GNA14: variants seen among roughly 807,000 people sequenced by gnomAD.
GNA14 encodes guanine nucleotide-binding protein subunit alpha-14.
In GNA14, 50 loss-of-function variants were observed where a neutral mutation model predicts 42.0. The ratio of observed to expected loss-of-function variants is 1.19; its 90% CI spans 0.95 to 1.51. The LOEUF (loss-of-function observed/expected upper bound fraction) is 1.51, where lower values mean the gene tolerates loss of function less well. GNA14 is among the 40% of genes most tolerant of loss of function. GNA14 has a pLI of 0.00. For synonymous variants in GNA14, 173 were observed against 163.1 expected (o/e 1.06, Z -0.46); for missense variants, 473 against 446.2 (o/e 1.06, Z -0.54).
chr9:77,611,130 AAG>A (rs1394211648), intron 1 of GNA14, among the ~76,000 whole-genome samples: 1 of 152,200 alleles, frequency 6.6e-6, no homozygotes, highest in South Asian at 2.1e-4. Flanking sequence ...AGGCAGCTAG[AAG>A]ACTGGTAGCC....
intron 2 of GNA14, among the ~76,000 whole-genome samples, chr9:77,492,867 G>A (rs913086653): frequency 6.6e-6 from 1 of 151,414 alleles, no homozygotes; most frequent in African/African-American, 2.4e-5. Context: ...CGGGCATGGT[G>A]GCAGACACCT....
chr9:77,527,053 C>CAGTGGGTCTGT (rs1333522021), intron 2 of GNA14, among the ~76,000 whole-genome samples: 1 of 152,162 alleles, frequency 6.6e-6, no homozygotes, highest in African/African-American at 2.4e-5. Context: ...CTTTTCTCCT[C>CAGTGGGTCTGT]AGTGGGTCTG....
intron 2 of GNA14, among the ~76,000 whole-genome samples, chr9:77,483,565 G>A (rs1479205658): frequency 6.6e-6 from 1 of 152,184 alleles, no homozygotes; most frequent in African/African-American, 2.4e-5. Flanking sequence ...ATCTCCAGCT[G>A]CATGCTGGGA....
chr9:77,575,762 G>T (rs1823118963), intron 1 of GNA14, among the ~76,000 whole-genome samples: 1 of 152,154 alleles, frequency 6.6e-6, no homozygotes, highest in South Asian at 2.1e-4. Flanking sequence ...CCTTTAAAAA[G>T]TATTAGTGCC....
At chr9:77,493,026 A>AAAAT (rs1554691641) in intron 2 of GNA14, among the ~76,000 whole-genome samples, 1 of 51,730 alleles carries the variant, frequency 1.9e-5, no homozygotes, top group African/African-American at 1.1e-4. Flanking sequence ...AAAAAAAAAA[A>AAAAT]ATATATATAT....
chr9:77,550,116 A>G (rs774532576), intron 1 of GNA14, among the ~76,000 whole-genome samples: 1 of 152,112 alleles, frequency 6.6e-6, no homozygotes, highest in African/African-American at 2.4e-5. Context: ...AGAAGGGAAC[A>G]CCAGCCAGGG....
chr9:77,520,025 A>G (rs1837326822), intron 2 of GNA14, among the ~76,000 whole-genome samples: 1 of 152,142 alleles, frequency 6.6e-6, no homozygotes, highest in Non-Finnish European at 1.5e-5. Context: ...GTAAAAATAA[A>G]AAAAGAAAAG....
chr9:77,467,766 G>C (rs1275513891), intron 2 of GNA14, among the ~76,000 whole-genome samples: 1 of 151,692 alleles, frequency 6.6e-6, no homozygotes, highest in Non-Finnish European at 1.5e-5. Context: ...CCAGAGCTGG[G>C]AGCAGGGACA....
intron 2 of GNA14, among the ~76,000 whole-genome samples, chr9:77,489,408 A>G (rs1015452382): frequency 4.6e-5 from 7 of 152,254 alleles, no homozygotes; most frequent in African/African-American, 1.7e-4. Flanking sequence ...GATAAATATC[A>G]GAACAGGAAG....
At chr9:77,501,838 G>T (rs952565908) in intron 2 of GNA14, among the ~76,000 whole-genome samples, 1 of 151,194 alleles carries the variant, frequency 6.6e-6, no homozygotes, top group African/African-American at 2.4e-5. Context: ...AGCCTCCCGA[G>T]TATTTGGGAC....
At chr9:77,502,085 C>G (rs1352567849) in intron 2 of GNA14, among the ~76,000 whole-genome samples, 1 of 152,158 alleles carries the variant, frequency 6.6e-6, no homozygotes, top group African/African-American at 2.4e-5. Flanking sequence ...CTCAGCCAAT[C>G]CATTGAGTAT....
At chr9:77,452,742 C>A (rs753732720) in intron 2 of GNA14, among the ~76,000 whole-genome samples, 2 of 150,584 alleles carry the variant, frequency 1.3e-5, no homozygotes, top group East Asian at 4.0e-4. Flanking sequence ...ATACGTTGAA[C>A]TCTCATCCCC....
intron 2 of GNA14, among the ~76,000 whole-genome samples, chr9:77,496,573 T>C (rs1836874141): frequency 6.6e-6 from 1 of 152,106 alleles, no homozygotes; most frequent in Admixed American, 6.6e-5. Context: ...TGCGCACAGT[T>C]AAACAAGACA....
chr9:77,551,547 A>AT (rs1322695240), intron 1 of GNA14, among the ~76,000 whole-genome samples: 2 of 148,294 alleles, frequency 1.3e-5, no homozygotes, highest in African/African-American at 5.0e-5. Context: ...TCACTAGGTC[A>AT]TCAAGTTCTG....
At chr9:77,527,484 GATTTTTTGCA>G (rs1203579721) in intron 2 of GNA14, among the ~76,000 whole-genome samples, 1 of 152,128 alleles carries the variant, frequency 6.6e-6, no homozygotes, top group East Asian at 1.9e-4. Flanking sequence ...AACAGAATGA[GATTTTTTGCA>G]ATTTTTTTTA....
chr9:77,485,286 C>G (rs1836637592), intron 2 of GNA14, among the ~76,000 whole-genome samples: 1 of 152,170 alleles, frequency 6.6e-6, no homozygotes, highest in African/African-American at 2.4e-5. Context: ...CTTTGCTCAT[C>G]CATAAGAAGG....
chr9:77,475,691 G>C (rs1171504956), intron 2 of GNA14, among the ~76,000 whole-genome samples: 1 of 152,186 alleles, frequency 6.6e-6, no homozygotes, highest in Admixed American at 6.5e-5. Flanking sequence ...GAAAGATCAG[G>C]TTGAGATAAG....
chr9:77,428,239 C>T (rs1004931700), intron 5 of GNA14, among the ~76,000 whole-genome samples: 1 of 151,890 alleles, frequency 6.6e-6, no homozygotes, highest in Admixed American at 6.6e-5. Flanking sequence ...CCACCACGCC[C>T]GGCTAATTTT....
At chr9:77,545,335 T>A (rs75089102) in intron 1 of GNA14, among the ~76,000 whole-genome samples, 1,952 of 152,312 alleles carry the variant, frequency 0.013, 47 homozygotes, top group African/African-American at 0.044. Context: ...ATACTGTAGG[T>A]CTTTAAAAAT....
Sources: gnomAD v4.1 joint callset for allele counts (sites outside exome capture counted in the v4.1 genomes callset) on GRCh38, gnomAD v4.1.1 for gene constraint, MANE v1.5 for transcripts, NCBI Gene and HGNC (gene_info 2026-07-23, HGNC 2026-07-21) for gene names.